Variants in RNF111 observed in about 807,000 individuals in gnomAD.
RNF111 encodes the protein ring finger protein 111, also known as E3 ubiquitin-protein ligase Arkadia.
A neutral mutation model predicts 95.1 loss-of-function variants in RNF111; 17 were observed. The ratio of observed to expected loss-of-function variants is 0.18; its 90% CI spans 0.12 to 0.27. RNF111 has a LOEUF of 0.27. RNF111 is among the 10% of genes least tolerant of loss of function. The pLI is 1.00. For missense variants in RNF111, 1,189 were observed against 1,210.4 expected (o/e 0.98, Z 0.26); for synonymous variants, 440 against 414.8 (o/e 1.06, Z -0.74).
chr15:59,048,154 A>G (rs2041803954), intron 2 of RNF111, among the ~76,000 whole-genome samples: 1 of 152,236 alleles, frequency 6.6e-6, no homozygotes, highest in Non-Finnish European at 1.5e-5. Flanking sequence ...AGACTTATAC[A>G]TGAATGTTCA....
At chr15:59,047,731 A>G (rs1428723216) in intron 2 of RNF111, among the ~76,000 whole-genome samples, 1 of 151,924 alleles carries the variant, frequency 6.6e-6, no homozygotes, top group Non-Finnish European at 1.5e-5. Flanking sequence ...ATGTGCTACC[A>G]TGCCCAGGTA....
At chr15:59,089,627 T>C in intron 10 of RNF111, 40 bp from the exon 11 acceptor site, 1 of 1,417,474 alleles carries the variant, frequency 7.1e-7, no homozygotes, top group Non-Finnish European at 1.0e-6. Flanking sequence ...CACAAGTCTA[T>C]TCTTAAAATT....
At chr15:59,048,168 C>T (rs1195776011) in intron 2 of RNF111, among the ~76,000 whole-genome samples, 2 of 152,124 alleles carry the variant, frequency 1.3e-5, no homozygotes, top group Admixed American at 6.5e-5. Context: ...ATGTTCATAG[C>T]TACTTTATTT....
At chr15:59,069,781 G>C (rs1300509210) in intron 6 of RNF111, among the ~76,000 whole-genome samples, 1 of 151,996 alleles carries the variant, frequency 6.6e-6, no homozygotes, top group Non-Finnish European at 1.5e-5. Flanking sequence ...CTTCACTTTA[G>C]ACCTATTTGG....
chr15:59,022,916 T>G (rs1159659880), intron 1 of RNF111, among the ~76,000 whole-genome samples: 1 of 152,180 alleles, frequency 6.6e-6, no homozygotes, highest in Non-Finnish European at 1.5e-5. Flanking sequence ...ATCTGCAGTG[T>G]TCTGGTGGAT....
chr15:59,006,164 A>G (rs1399806450), intron 1 of RNF111, among the ~76,000 whole-genome samples: 1 of 152,182 alleles, frequency 6.6e-6, no homozygotes, highest in African/African-American at 2.4e-5. Flanking sequence ...TGTATTCCAG[A>G]TTTTATATAG....
intron 5 of RNF111, among the ~76,000 whole-genome samples, chr15:59,066,197 C>G (rs146173490): frequency 1.8e-3 from 274 of 152,292 alleles, no homozygotes; most frequent in African/African-American, 6.5e-3. Context: ...CATAGGAAAA[C>G]ATGATCTATT....
intron 13 of RNF111, among the ~76,000 whole-genome samples, chr15:59,093,113 A>C (rs1171270365): frequency 6.6e-6 from 1 of 152,216 alleles, no homozygotes; most frequent in Non-Finnish European, 1.5e-5. Context: ...TGAAACAATA[A>C]AAGATTAAAG....
rs2042678492 is a variant in RNF111, at chr15:59,066,834, C to T, written c.1437C>T (p.Ser479=). 5 of 1,614,092 alleles carry T rather than the reference C, an allele frequency of 3.1e-6. No homozygotes were observed. Among genetic ancestry groups the T allele is most frequent in the Non-Finnish European group, 3.4e-6 (4 of 1,179,996 alleles). Residue 479 remains serine, a synonymous_variant, in exon 6 of 14, where the codon TCC becomes TCT. Coordinates refer to ENST00000348370, the MANE Select transcript of RNF111 (RefSeq NM_017610.8). ...CTCCTGCAATGCCAAGGTTACCTTC[C>T]TGCTGTCCCCAGCACTCACCATGTG... ...TGPPAMPRLP[S]CCPQHSPCGG... is the part of the protein sequence containing the mutation.
At chr15:59,025,131 C>G (rs2040537450) in intron 1 of RNF111, among the ~76,000 whole-genome samples, 1 of 152,216 alleles carries the variant, frequency 6.6e-6, no homozygotes, top group South Asian at 2.1e-4. Flanking sequence ...ACGATCCGCC[C>G]TCCTCCGCCT....
At chr15:59,013,848 G>T (rs1213898324) in intron 1 of RNF111, among the ~76,000 whole-genome samples, 3 of 150,608 alleles carry the variant, frequency 2.0e-5, no homozygotes, top group Admixed American at 6.6e-5. Flanking sequence ...GAGTATAGTG[G>T]TGCTTTCTTG....
chr15:59,079,050 G>A (rs955962832), intron 7 of RNF111, among the ~76,000 whole-genome samples: 5 of 152,106 alleles, frequency 3.3e-5, no homozygotes, highest in Admixed American at 3.3e-4. Flanking sequence ...TAACTGTTGG[G>A]AACACAAATA....
intron 3 of RNF111, among the ~76,000 whole-genome samples, chr15:59,053,554 TAAAGGC>T (rs2042081294): frequency 6.6e-6 from 1 of 152,262 alleles, no homozygotes; most frequent in Admixed American, 6.5e-5. Context: ...GTGCTACTTC[TAAAGGC>T]ATGGAAGTGA....
At chr15:59,039,654 G>A (rs556971313) in intron 2 of RNF111, among the ~76,000 whole-genome samples, 1 of 151,968 alleles carries the variant, frequency 6.6e-6, no homozygotes, top group African/African-American at 2.4e-5. Context: ...GGTATATCAA[G>A]TTGGTGCAGA....
intron 1 of RNF111, among the ~76,000 whole-genome samples, chr15:59,028,135 C>T (rs1298423235): frequency 6.6e-6 from 1 of 152,126 alleles, no homozygotes; most frequent in Non-Finnish European, 1.5e-5. Context: ...CCATGCTTTT[C>T]GGCCATCATA....
chr15:59,023,140 C>T (rs1286481138), intron 1 of RNF111, among the ~76,000 whole-genome samples: 25 of 151,974 alleles, frequency 1.6e-4, no homozygotes, highest in Admixed American at 3.9e-4. Context: ...CCCAGCTACT[C>T]GGGAGGCTGA....
chr15:59,026,731 A>AG (rs1278605425), intron 1 of RNF111, among the ~76,000 whole-genome samples: 1 of 151,984 alleles, frequency 6.6e-6, no homozygotes, highest in African/African-American at 2.4e-5. Flanking sequence ...TAGAAAAAAA[A>AG]ATTTAGAACA....
intron 1 of RNF111, among the ~76,000 whole-genome samples, chr15:58,995,378 C>T (rs1267302319): frequency 6.6e-6 from 1 of 151,990 alleles, no homozygotes; most frequent in Non-Finnish European, 1.5e-5. Context: ...CCCATTATAA[C>T]CTTTATTTTG....
chr15:59,070,652 T>C (rs1337508438), intron 6 of RNF111, among the ~76,000 whole-genome samples: 1 of 152,198 alleles, frequency 6.6e-6, no homozygotes, highest in Non-Finnish European at 1.5e-5. Flanking sequence ...TATACTTGAT[T>C]GTAGATAAAT....
Sources: allele counts gnomAD v4.1 joint callset (sites outside exome capture counted in the v4.1 genomes callset), GRCh38; gene constraint gnomAD v4.1.1; transcripts MANE v1.5; gene names NCBI Gene and HGNC (gene_info 2026-07-23, HGNC 2026-07-21).